Variants in NELL2 observed in about 807,000 individuals in gnomAD.
NELL2 encodes neural EGFL like 2.
In NELL2, 41 loss-of-function variants were observed where a neutral mutation model predicts 109.6. That is an observed-to-expected ratio of 0.37 (90% CI 0.29 to 0.49). The LOEUF (loss-of-function observed/expected upper bound fraction) is 0.49. Among genes scored for constraint, NELL2 ranks in the 20% least tolerant of loss-of-function variants. The pLI is 0.98. For missense variants in NELL2, 900 were observed against 1,008.3 expected (o/e 0.89, Z 1.45); for synonymous variants, 355 against 344.7 (o/e 1.03, Z -0.33).
At chr12:44,758,269 A>G (rs1056271525) in intron 9 of NELL2, among the ~76,000 whole-genome samples, 1 of 152,192 alleles carries the variant, frequency 6.6e-6, no homozygotes, top group African/African-American at 2.4e-5. Flanking sequence ...AGTTTGCAAC[A>G]TTCTTGACAA....
intron 9 of NELL2, among the ~76,000 whole-genome samples, chr12:44,723,099 G>A (rs1205687004): frequency 2.0e-5 from 3 of 151,862 alleles, no homozygotes; most frequent in Non-Finnish European, 4.4e-5. Flanking sequence ...TGAGGCAGGA[G>A]AATGACATGA....
intron 11 of NELL2, among the ~76,000 whole-genome samples, chr12:44,708,992 G>A (rs759409998): frequency 5.3e-5 from 8 of 151,996 alleles, no homozygotes; most frequent in Non-Finnish European, 1.2e-4. Flanking sequence ...CTTTTAAAAA[G>A]AAATAGATGT....
intron 16 of NELL2, 70 bp from the exon 17 acceptor site, chr12:44,523,554 C>A: frequency 7.5e-7 from 1 of 1,333,528 alleles, no homozygotes; most frequent in Non-Finnish European, 1.1e-6. Context: ...GCAATCAGGC[C>A]AGTTGTCTCC....
At position 44,711,397 on chromosome 12, in the gene NELL2, G is replaced by C; in HGVS notation, c.1087-3C>G. 6.2e-7 allele frequency: 1 copy of C among 1,609,534 alleles called. No homozygotes were observed. The highest frequency in any genetic ancestry group is 8.5e-7 in the Non-Finnish European group (1 of 1,176,366). ...TCAACAAGTTTCATGGTCTGGTCCT[G>C]TTAGACAACAGAAAAGAAGTGCTTC... On this transcript the variant is annotated splice_polypyrimidine_tract_variant and splice_region_variant and intron_variant, in intron 10 of 19. Transcript: ENST00000429094.
chr12:44,681,537 A>C (rs925253202), intron 12 of NELL2, among the ~76,000 whole-genome samples: 8 of 152,012 alleles, frequency 5.3e-5, no homozygotes, highest in Non-Finnish European at 8.8e-5. Flanking sequence ...ATCTAGCATT[A>C]GGTATATTGC....
chr12:44,788,708 T>C (rs1268915058), intron 3 of NELL2, among the ~76,000 whole-genome samples: 1 of 152,004 alleles, frequency 6.6e-6, no homozygotes, highest in East Asian at 1.9e-4. Flanking sequence ...ACTCCATAGG[T>C]GGGGAAAGAA....
intron 2 of NELL2, among the ~76,000 whole-genome samples, chr12:44,818,481 G>A (rs374297894): frequency 1.2e-4 from 18 of 152,230 alleles, no homozygotes; most frequent in Admixed American, 5.2e-4. Flanking sequence ...GCTCAGATCC[G>A]CAGAGAGGTT....
intron 13 of NELL2, among the ~76,000 whole-genome samples, chr12:44,657,109 A>G (rs565194200): frequency 6.6e-6 from 1 of 152,308 alleles, no homozygotes; most frequent in East Asian, 1.9e-4. Flanking sequence ...CTTTTCTGTA[A>G]CCTTTTGCAC....
At chr12:44,521,529 C>CAAAAAAAAAAAAAAAAAAAAAAAAAAA (rs56713964) in intron 18 of NELL2, among the ~76,000 whole-genome samples, 2 of 111,442 alleles carry the variant, frequency 1.8e-5, no homozygotes, top group African/African-American at 8.2e-5. Flanking sequence ...GACTCCGTCT[C>CAAAAAAAAAAAAAAAAAAAAAAAAAAA]AAAAAAAAAA....
At chr12:44,891,829 C>T (rs1945537940) in intron 1 of NELL2, among the ~76,000 whole-genome samples, 1 of 152,216 alleles carries the variant, frequency 6.6e-6, no homozygotes, top group Non-Finnish European at 1.5e-5. Flanking sequence ...TCTCTCTCCT[C>T]TTATTTAATT....
At chr12:44,651,799 G>T (rs138796787) in intron 13 of NELL2, among the ~76,000 whole-genome samples, 112 of 152,194 alleles carry the variant, frequency 7.4e-4, no homozygotes, top group African/African-American at 2.6e-3. Context: ...GGTGAAACAG[G>T]CTGGCTATAA....
At position 44,533,169 on chromosome 12, in the gene NELL2, C is replaced by T. The variant is rs118057970; in HGVS notation, c.1664-448G>A. ...GTGTGTGATTCACATATGCCCTTTC[C>T]CTATCACAATGACTAGCCATTTCCA... is the stretch of plus-strand genomic sequence containing the variant. On this transcript the variant is annotated intron_variant, in intron 15 of 19. Coordinates refer to ENST00000429094, the MANE Select transcript of NELL2 (RefSeq NM_001145108.2). 2.0e-4 allele frequency among the ~76,000 whole-genome samples: 31 copies of T among 152,226 alleles called. No homozygotes were observed. In the East Asian group the frequency reaches 6.0e-3, roughly 29 times the overall value.
chr12:44,534,128 ATTCCT>A (rs1356369021), intron 15 of NELL2, among the ~76,000 whole-genome samples: 4 of 152,062 alleles, frequency 2.6e-5, no homozygotes, highest in Non-Finnish European at 5.9e-5. Context: ...GGAAGCATAT[ATTCCT>A]TTCATTTTCT....
chr12:44,897,930 G>T (rs571712028), intron 1 of NELL2, among the ~76,000 whole-genome samples: 1 of 152,324 alleles, frequency 6.6e-6, no homozygotes, highest in Admixed American at 6.5e-5. Flanking sequence ...GAGTGGTGTG[G>T]GGAGGGGCAT....
At chr12:44,642,839 G>A (rs775672814) in intron 13 of NELL2, among the ~76,000 whole-genome samples, 2 of 152,076 alleles carry the variant, frequency 1.3e-5, no homozygotes, top group Non-Finnish European at 2.9e-5. Flanking sequence ...CCGAGATCAC[G>A]CCACTGCACT....
chr12:44,570,000 A>C, intron 15 of NELL2, among the ~76,000 whole-genome samples: 1 of 152,302 alleles, frequency 6.6e-6, no homozygotes, highest in East Asian at 1.9e-4. Flanking sequence ...TGATACAACA[A>C]GCCTCATCTG....
intron 13 of NELL2, among the ~76,000 whole-genome samples, chr12:44,658,560 T>C (rs1470951635): frequency 6.6e-6 from 1 of 152,038 alleles, no homozygotes; most frequent in Non-Finnish European, 1.5e-5. Context: ...AAGCTACCAT[T>C]GACTTTCTTC....
At chr12:44,804,444 CAT>C (rs1942932986) in intron 3 of NELL2, among the ~76,000 whole-genome samples, 1 of 151,788 alleles carries the variant, frequency 6.6e-6, no homozygotes, top group African/African-American at 2.4e-5. Flanking sequence ...ATGGAGATAA[CAT>C]AAACTCCACT....
intron 9 of NELL2, among the ~76,000 whole-genome samples, chr12:44,742,373 A>C (rs940930574): frequency 6.6e-6 from 1 of 152,202 alleles, no homozygotes; most frequent in Non-Finnish European, 1.5e-5. Flanking sequence ...AACAAAGCAG[A>C]AAAACTGGAA....
Sources: allele counts gnomAD v4.1 joint callset (sites outside exome capture counted in the v4.1 genomes callset), GRCh38; gene constraint gnomAD v4.1.1; transcripts MANE v1.5; gene names NCBI Gene and HGNC (gene_info 2026-07-23, HGNC 2026-07-21).